The following ZDHHC21 variants were observed in gnomAD, a reference collection of about 807,000 sequenced individuals.
ZDHHC21 encodes the protein zDHHC palmitoyltransferase 21.
ZDHHC21 carries 15 observed loss-of-function variants against 34.6 expected under a neutral mutation model. The observed-to-expected ratio is 0.43, with a 90% CI of 0.29 to 0.67. The LOEUF (loss-of-function observed/expected upper bound fraction) is 0.67. ZDHHC21 is among the 30% of genes least tolerant of loss of function. The pLI, the probability that ZDHHC21 is intolerant of heterozygous loss-of-function variation, is 0.14. For missense variants in ZDHHC21, 344 were observed against 327.7 expected (o/e 1.05, Z -0.38); for synonymous variants, 142 against 101.8 (o/e 1.40, Z -2.38).
downstream of ZDHHC21, among the ~76,000 whole-genome samples, chr9:14,608,150 C>T (rs1318154036): frequency 1.3e-5 from 2 of 152,148 alleles, no homozygotes; most frequent in East Asian, 3.9e-4. Context: ...ATGTGTTCTA[C>T]AGCTACAAAG....
the ZDHHC21 span, among the ~76,000 whole-genome samples, chr9:14,602,928 CAAAAAAAAAAAA>C: frequency 1.1e-5 from 1 of 88,060 alleles, no homozygotes; most frequent in Non-Finnish European, 2.1e-5. Flanking sequence ...GACTTCATCT[CAAAAAAAAAAAA>C]AAAAAAAAAA....
downstream of ZDHHC21, among the ~76,000 whole-genome samples, chr9:14,608,317 G>T (rs1015630411): frequency 1.3e-5 from 2 of 152,080 alleles, no homozygotes; most frequent in Admixed American, 1.3e-4. Flanking sequence ...GGGGAGGAGG[G>T]AACATGTCTA....
intron 8 of ZDHHC21, among the ~76,000 whole-genome samples, chr9:14,634,725 A>C (rs1438612791): frequency 2.6e-5 from 4 of 152,220 alleles, no homozygotes; most frequent in Non-Finnish European, 5.9e-5. Context: ...AAATTCAAAA[A>C]ATTGGAAAAA....
rs137972733 is a variant in ZDHHC21, at chr9:14,636,639, T to C, written c.621+3257A>G. On this transcript the variant is annotated intron_variant, in intron 8 of 9. Transcript: ENST00000380916. ...TCAGCAAATGGAACATTTTCCAAGA[T>C]AGACCATAGGTTAGGACACAAAACA... 5.3e-3 allele frequency among the ~76,000 whole-genome samples: 807 copies of C among 152,218 alleles called. 39 individuals carry two copies. The highest frequency in any genetic ancestry group is 0.049 in the Admixed American group (753 of 15,286).
At chr9:14,641,589 C>T (rs1330540529) in intron 7 of ZDHHC21, among the ~76,000 whole-genome samples, 5 of 152,054 alleles carry the variant, frequency 3.3e-5, no homozygotes, top group Admixed American at 2.0e-4. Context: ...CACACTCACC[C>T]GTCAAACATC....
At chr9:14,599,347 G>A in the ZDHHC21 span, among the ~76,000 whole-genome samples, 1 of 152,170 alleles carries the variant, frequency 6.6e-6, no homozygotes, top group Non-Finnish European at 1.5e-5. Flanking sequence ...ACAAGGGGTT[G>A]GAGAACTCCC....
chr9:14,690,476 T>C, intron 1 of ZDHHC21, 91 bp from the exon 2 acceptor site: 1 of 404,320 alleles, frequency 2.5e-6, no homozygotes, highest in South Asian at 1.8e-5. Context: ...AATTCACCAG[T>C]GAATGGTAAA....
intron 5 of ZDHHC21, among the ~76,000 whole-genome samples, chr9:14,669,672 C>G (rs1236035857): frequency 6.9e-6 from 1 of 145,404 alleles, no homozygotes; most frequent in African/African-American, 2.6e-5. Context: ...TACTATGCAG[C>G]CATAAAAAAT....
chr9:14,592,954 T>C, the ZDHHC21 span, among the ~76,000 whole-genome samples: 5 of 152,072 alleles, frequency 3.3e-5, no homozygotes, highest in Admixed American at 3.3e-4. Context: ...ATTAAGATAG[T>C]TTTAATTGAA....
intron 5 of ZDHHC21, among the ~76,000 whole-genome samples, chr9:14,663,851 A>G (rs960493631): frequency 6.6e-6 from 1 of 152,246 alleles, no homozygotes; most frequent in African/African-American, 2.4e-5. Flanking sequence ...CTTAATTTAC[A>G]TAGTTAAACT....
intron 7 of ZDHHC21, among the ~76,000 whole-genome samples, chr9:14,645,757 T>C (rs12001201): frequency 0.038 from 5,795 of 152,180 alleles, 377 homozygotes; most frequent in African/African-American, 0.13. Flanking sequence ...GGAAAAATAC[T>C]TAAATAGGCA....
downstream of ZDHHC21, among the ~76,000 whole-genome samples, chr9:14,610,669 G>A (rs1246465280): frequency 6.6e-6 from 1 of 151,934 alleles, no homozygotes; most frequent in Non-Finnish European, 1.5e-5. Context: ...AATATTGCCA[G>A]ATCTAAAATA....
intron 8 of ZDHHC21, among the ~76,000 whole-genome samples, chr9:14,631,581 G>A (rs991908379): frequency 2.0e-4 from 30 of 151,986 alleles, no homozygotes; most frequent in Admixed American, 1.4e-3. Context: ...TCTAGTTTTC[G>A]GCCTGTCTCA....
intron 7 of ZDHHC21, among the ~76,000 whole-genome samples, chr9:14,640,658 A>T (rs867328612): frequency 3.6e-4 from 55 of 152,236 alleles, no homozygotes; most frequent in African/African-American, 1.2e-3. Flanking sequence ...CAAGAAGTAC[A>T]GTTTATTTAG....
intron 6 of ZDHHC21, among the ~76,000 whole-genome samples, chr9:14,660,623 T>C (rs147505746): frequency 2.6e-5 from 4 of 152,268 alleles, no homozygotes; most frequent in East Asian, 1.9e-4. Flanking sequence ...CCTTGTCTAC[T>C]CTCCTTTCTG....
In ZDHHC21 at chr9:14,620,448, AATAT is replaced by A. The variant is rs1456860172; in HGVS notation, c.622-770_622-767del. 2.0e-5 allele frequency among the ~76,000 whole-genome samples: 3 copies of A among 152,158 alleles called. No individual in the cohort carries two copies. In the East Asian group the frequency reaches 5.8e-4, roughly 29 times the overall value. On this transcript the variant is annotated intron_variant, in intron 8 of 9. Coordinates refer to ENST00000380916, the MANE Select transcript of ZDHHC21 (RefSeq NM_178566.6). ...TTTTTAGATATTTATTTGTATTTTA[AATAT>A]ATTTTGAAACAGTGCAAAAGAGTAC...
At position 14,617,653 on chromosome 9, in the gene ZDHHC21, G is replaced by A. The variant is rs1043689556; in HGVS notation, c.*1313C>T. Reference sequence around the variant, plus strand: ...GTATTCTAATGGAAAAAAACTAAAAGCTGAGTTTTTTTCAAAGCATACTAA... The same window carrying A: ...GTATTCTAATGGAAAAAAACTAAAAACTGAGTTTTTTTCAAAGCATACTAA... On this transcript the variant is annotated 3_prime_UTR_variant, in exon 10 of 10. Transcript: ENST00000380916. The A allele has an allele frequency of 4.0e-5, 6 of 151,824 alleles. No homozygotes were observed. The highest frequency in any genetic ancestry group is 1.5e-4 in the African/African-American group (6 of 41,374). The allele number at this position is 151,824 out of a possible 1,614,324, so 9.4% of individuals were successfully genotyped here.
chr9:14,634,615 A>C (rs369115912), intron 8 of ZDHHC21, among the ~76,000 whole-genome samples: 2 of 152,340 alleles, frequency 1.3e-5, no homozygotes, highest in East Asian at 3.9e-4. Flanking sequence ...CAAATCCTAC[A>C]GCAACTATAA....
chr9:14,676,509 AC>A (rs1277345054), intron 3 of ZDHHC21, among the ~76,000 whole-genome samples: 1 of 152,030 alleles, frequency 6.6e-6, no homozygotes, highest in Non-Finnish European at 1.5e-5. Flanking sequence ...CAGAAAAAAA[AC>A]AAAAAACAAA....
Sources: gnomAD v4.1 joint callset for allele counts (sites outside exome capture counted in the v4.1 genomes callset) on GRCh38, gnomAD v4.1.1 for gene constraint, MANE v1.5 for transcripts, NCBI Gene and HGNC (gene_info 2026-07-23, HGNC 2026-07-21) for gene names.